The following SPOCK1 variants were observed in gnomAD, a reference collection of about 807,000 sequenced individuals.
SPOCK1 encodes the protein testican-1.
Under a neutral mutation model 55.3 loss-of-function variants are expected in SPOCK1, and 23 were observed. The ratio of observed to expected loss-of-function variants is 0.42; its 90% CI spans 0.30 to 0.59. SPOCK1 has a LOEUF of 0.59. Ranked by LOEUF, SPOCK1 falls within the 20% of genes least tolerant of loss-of-function variation. The probability of loss-of-function intolerance (pLI) is 0.22; values close to 1 mark genes in which losing one functional copy is unlikely to be tolerated. For synonymous variants in SPOCK1, 226 were observed against 221.0 expected (o/e 1.02, Z -0.20); for missense variants, 499 against 552.5 (o/e 0.90, Z 0.97).
At position 137,191,508 on chromosome 5, in the gene SPOCK1, T is replaced by C. The variant is rs1255715799; in HGVS notation, c.233-50814A>G. Among the ~76,000 whole-genome samples, 34 of 152,234 alleles carry C rather than the reference T, an allele frequency of 2.2e-4. 2 individuals are homozygous for C. The highest frequency in any genetic ancestry group is 2.2e-3 in the Admixed American group (33 of 15,290). ...CTTGGACTTTGAACATAAAAACTTT[T>C]GTTTGAAATAAAGTAGATTTCATCC... On this transcript the variant is annotated intron_variant, in intron 3 of 10. Coordinates refer to ENST00000394945, the MANE Select transcript of SPOCK1 (RefSeq NM_004598.4).
intron 8 of SPOCK1, among the ~76,000 whole-genome samples, chr5:136,987,622 GTT>G (rs1231036939): frequency 6.6e-6 from 1 of 152,088 alleles, no homozygotes; most frequent in East Asian, 1.9e-4. Context: ...GAATACCCAC[GTT>G]TTTTGTTGTG....
intron 5 of SPOCK1, among the ~76,000 whole-genome samples, chr5:137,073,832 C>T (rs1204650690): frequency 6.6e-6 from 1 of 152,130 alleles, no homozygotes; most frequent in Non-Finnish European, 1.5e-5. Flanking sequence ...GAGAATGAAA[C>T]ATTCACACAG....
chr5:137,490,726 A>C (rs1754158268), intron 2 of SPOCK1, among the ~76,000 whole-genome samples: 1 of 152,202 alleles, frequency 6.6e-6, no homozygotes. Context: ...ACCCCCTCCC[A>C]GTTACGTCAT....
chr5:137,199,848 T>C (rs1755382162), intron 3 of SPOCK1, among the ~76,000 whole-genome samples: 1 of 152,102 alleles, frequency 6.6e-6, no homozygotes, highest in Non-Finnish European at 1.5e-5. Flanking sequence ...GACTCAACCA[T>C]CAACACAGAA....
chr5:137,327,442 A>G lies in SPOCK1; in HGVS notation c.187-60387T>C, dbSNP rs555231529. ...ATAGATTCTAGAGTATAACATAACGAAGTGTTAAATATCCCTGTGGCACTG... is the reference window on the plus strand; with the variant it reads ...ATAGATTCTAGAGTATAACATAACGGAGTGTTAAATATCCCTGTGGCACTG... On this transcript the variant is annotated intron_variant, in intron 2 of 10. Coordinates refer to ENST00000394945, the MANE Select transcript of SPOCK1 (RefSeq NM_004598.4). Among the ~76,000 whole-genome samples, 15 of 152,294 alleles carry G rather than the reference A, an allele frequency of 9.8e-5. No individual in the cohort carries two copies. The South Asian group carries it at 2.9e-3, about 30-fold the overall frequency.
intron 2 of SPOCK1, among the ~76,000 whole-genome samples, chr5:137,287,043 ACT>A (rs1757281512): frequency 6.6e-6 from 1 of 152,026 alleles, no homozygotes; most frequent in Non-Finnish European, 1.5e-5. Flanking sequence ...ACAAAAACAC[ACT>A]GTTAACCTGG....
intron 2 of SPOCK1, among the ~76,000 whole-genome samples, chr5:137,295,738 A>T (rs909351192): frequency 2.5e-4 from 38 of 151,794 alleles, no homozygotes; most frequent in African/African-American, 9.2e-4. Context: ...AAAAAAATAC[A>T]TATTATTGGG....
intron 2 of SPOCK1, among the ~76,000 whole-genome samples, chr5:137,362,648 G>A (rs1260436478): frequency 6.6e-6 from 1 of 152,050 alleles, no homozygotes; most frequent in Non-Finnish European, 1.5e-5. Context: ...TAATGTAAAG[G>A]GCCAGGTAGT....
intron 2 of SPOCK1, among the ~76,000 whole-genome samples, chr5:137,362,577 C>T (rs376765674): frequency 1.4e-4 from 22 of 152,048 alleles, no homozygotes; most frequent in African/African-American, 4.3e-4. Flanking sequence ...ATCCACCCAC[C>T]TCAGCCTCCC....
chr5:137,135,246 G>A (rs80173943), intron 4 of SPOCK1, among the ~76,000 whole-genome samples: 2,475 of 152,260 alleles, frequency 0.016, 82 homozygotes, highest in African/African-American at 0.057. Context: ...TTCTCCAAAT[G>A]AAAATCAATG....
chr5:137,324,962 G>GAAA (rs5871633), intron 2 of SPOCK1, among the ~76,000 whole-genome samples: 5,772 of 140,242 alleles, frequency 0.041, 409 homozygotes, highest in African/African-American at 0.14. Flanking sequence ...GCTCAATCCT[G>GAAA]AAAAAAAAAA....
intron 6 of SPOCK1, among the ~76,000 whole-genome samples, chr5:137,004,783 A>C (rs1431129814): frequency 6.6e-6 from 1 of 152,214 alleles, no homozygotes; most frequent in Non-Finnish European, 1.5e-5. Flanking sequence ...CCCAGATGGA[A>C]GTTAAAAGGT....
intron 5 of SPOCK1, among the ~76,000 whole-genome samples, chr5:137,112,162 A>G (rs1314842713): frequency 1.3e-5 from 2 of 152,158 alleles, no homozygotes; most frequent in Non-Finnish European, 2.9e-5. Flanking sequence ...CTTCTCCAGG[A>G]AGCTTGTCTA....
intron 4 of SPOCK1, among the ~76,000 whole-genome samples, chr5:137,115,412 C>T (rs1365220465): frequency 6.6e-6 from 1 of 151,600 alleles, no homozygotes; most frequent in African/African-American, 2.4e-5. Flanking sequence ...GTTCAGGAAA[C>T]CAGCATCAAT....
rs2178303 is a variant in SPOCK1, at chr5:137,465,939, A to G, written c.186+32434T>C. ...TAACCTAAAACCATAGTGATCATAC[A>G]CAACATTTATCTCTTCCCCCAAACA... On this transcript the variant is annotated intron_variant, in intron 2 of 10. Transcript: ENST00000394945. Among the ~76,000 whole-genome samples, 9 of 152,330 alleles carry G rather than the reference A, an allele frequency of 5.9e-5. No homozygotes were observed. The East Asian group carries it at 1.3e-3, about 23-fold the overall frequency.
intron 2 of SPOCK1, among the ~76,000 whole-genome samples, chr5:137,295,228 C>T (rs1369536000): frequency 6.6e-6 from 1 of 152,210 alleles, no homozygotes; most frequent in Non-Finnish European, 1.5e-5. Context: ...TTCTGTACTT[C>T]CCCAACATTC....
At chr5:137,257,041 T>G (rs896595791) in intron 3 of SPOCK1, among the ~76,000 whole-genome samples, 3 of 152,224 alleles carry the variant, frequency 2.0e-5, no homozygotes, top group African/African-American at 7.2e-5. Context: ...GGGTCAGGGC[T>G]GCTCTCTGCC....
chr5:137,098,891 C>G (rs73295618), intron 5 of SPOCK1, among the ~76,000 whole-genome samples: 9,276 of 152,278 alleles, frequency 0.061, 447 homozygotes, highest in African/African-American at 0.12. Context: ...GCTCTGCAAC[C>G]TCAGCCACCT....
intron 4 of SPOCK1, among the ~76,000 whole-genome samples, chr5:137,122,240 TACACACACACACACACGC>T (rs1364400042): frequency 7.5e-6 from 1 of 132,954 alleles, no homozygotes. Flanking sequence ...AAAGCAGTTA[TACACACACACACACACGC>T]ACACACACAC....
Sources: gnomAD v4.1 joint callset for allele counts (sites outside exome capture counted in the v4.1 genomes callset) on GRCh38, gnomAD v4.1.1 for gene constraint, MANE v1.5 for transcripts, NCBI Gene and HGNC (gene_info 2026-07-23, HGNC 2026-07-21) for gene names.